The following HSD17B13 variants were observed in gnomAD, a reference collection of about 807,000 sequenced individuals.
The protein encoded by HSD17B13 is hydroxysteroid 17-beta dehydrogenase 13.
A neutral mutation model predicts 31.1 loss-of-function variants in HSD17B13; 26 were observed. The observed-to-expected ratio is 0.84, with a 90% CI of 0.61 to 1.16. HSD17B13 has a LOEUF of 1.16. Among genes scored for constraint, HSD17B13 ranks in the 50% most tolerant of loss-of-function variants. HSD17B13 has a pLI of 0.00. For synonymous variants in HSD17B13, 141 were observed against 133.7 expected, an observed-to-expected ratio of 1.05 and a Z score of -0.38; for missense variants, 374 against 366.5, an observed-to-expected ratio of 1.02 and a Z score of -0.17.
Position 87,318,455 on chromosome 4 carries a change from A to C in HSD17B13, c.211-19T>G, listed in dbSNP as rs369699418. 3.6e-4 allele frequency: 582 copies of C among 1,607,082 alleles called. 1 individual carries two copies. Among genetic ancestry groups the C allele is most frequent in the Non-Finnish European group, 4.8e-4 (560 of 1,173,784 alleles). ...CACCGCGCTGTAATTAGGAAGAAAC[A>C]AATTCCGAAAAAAGTGGAGGAGAAG... On this transcript the variant is annotated intron_variant, in intron 1 of 6. Transcript: ENST00000328546.
At chr4:87,317,859 AG>A (rs980713435) in intron 2 of HSD17B13, among the ~76,000 whole-genome samples, 38 of 152,078 alleles carry the variant, frequency 2.5e-4, no homozygotes, top group African/African-American at 8.9e-4. Context: ...AAAGTTTGTT[AG>A]AGTGCTTAGT....
chr4:87,314,040 T>G, intron 4 of HSD17B13, 80 bp from the exon 5 acceptor site: 2 of 1,229,100 alleles, frequency 1.6e-6, no homozygotes, highest in Non-Finnish European at 2.2e-6. Context: ...GCGGTATCAT[T>G]TGGCTTAAGA....
chr4:87,317,214 C>T lies in HSD17B13; in HGVS notation c.328G>A (p.Glu110Lys). The change falls in exon 3 of 7, where the codon GAA (glutamate) becomes AAA (lysine). Residue 110 changes from glutamate to lysine, a missense_variant. Coordinates refer to ENST00000328546, the MANE Select transcript of HSD17B13 (RefSeq NM_178135.5). ...ACCACGATTGTTACATCACCCACTT[C>T]TTTCTTCACCTTTTGAAATTGAAAG... ...IYRSLNQVKK[E>K]VGDVTIVVNN... 1 of 1,614,028 alleles carries T rather than the reference C, an allele frequency of 6.2e-7. No individual in the cohort carries two copies. The highest frequency in any genetic ancestry group is 1.1e-5 in the South Asian group (1 of 91,068).
rs772966438 is a variant in HSD17B13, at chr4:87,322,753, C to T, written c.89G>A (p.Arg30Lys). 3 of 1,613,864 alleles carry T rather than the reference C, an allele frequency of 1.9e-6. No individual in the cohort carries two copies. The African/African-American group carries it at 4.0e-5, about 22-fold the overall frequency. ...ESLVKFFIPQ[R>K]RKSVAGEIVL... The stretch of plus-strand genomic sequence containing the variant: ...AATCTCCCCAGCCACAGATTTTCTC[C>T]TCTGAGGAATGAAAAACTTCACCAA... Residue 30 changes from arginine to lysine, a missense_variant, in exon 1 of 7, where the codon AGG becomes AAG. Arg to Lys is a conservative substitution (Grantham distance 26). Transcript: ENST00000328546.
At chr4:87,318,877 C>G (rs531470256) in intron 1 of HSD17B13, among the ~76,000 whole-genome samples, 2 of 149,506 alleles carry the variant, frequency 1.3e-5, no homozygotes, top group African/African-American at 4.9e-5. Flanking sequence ...GATTAGTTAA[C>G]CTTTTAAAAA....
chr4:87,318,333 T>G lies in HSD17B13; in HGVS notation c.314A>C (p.Asn105Thr), dbSNP rs780706382. The G allele has an allele frequency of 6.2e-7, 1 of 1,610,978 alleles. No individual in the cohort carries two copies. The highest frequency in any genetic ancestry group is 1.1e-5 in the South Asian group (1 of 91,016). Reference sequence around the variant, plus strand: ...TTTGTGAACCTGCAGTCTCACCTGATTTAGAGAGCGATAGATCTCTTCTCT... The same window carrying G: ...TTTGTGAACCTGCAGTCTCACCTGAGTTAGAGAGCGATAGATCTCTTCTCT... ...SNREEIYRSL[N>T]QVKKEVGDVT... The change falls in exon 2 of 7, where the codon AAT becomes ACT. Residue 105 changes from asparagine to threonine, a missense_variant. Asn to Thr is a moderately conservative substitution (Grantham distance 65, BLOSUM62 0). Coordinates refer to ENST00000328546, the MANE Select transcript of HSD17B13 (RefSeq NM_178135.5).
At chr4:87,316,702 A>C (rs1734656404) in intron 3 of HSD17B13, among the ~76,000 whole-genome samples, 1 of 152,188 alleles carries the variant, frequency 6.6e-6, no homozygotes, top group Non-Finnish European at 1.5e-5. Flanking sequence ...TCCATTCTAA[A>C]ATTCCACAAA....
intron 5 of HSD17B13, among the ~76,000 whole-genome samples, chr4:87,311,515 T>C (rs1043981866): frequency 1.3e-5 from 2 of 152,170 alleles, no homozygotes; most frequent in Non-Finnish European, 2.9e-5. Flanking sequence ...CCAAGGAGTA[T>C]GACAACTGGA....
Position 87,318,386 on chromosome 4 carries a change from C to T in HSD17B13, c.261G>A (p.Ala87=), listed in dbSNP as rs985389002. 5.0e-6 allele frequency: 8 copies of T among 1,614,170 alleles called. No individual in the cohort carries two copies. In the East Asian group the frequency reaches 1.3e-4, roughly 27 times the overall value. The change falls in exon 2 of 7, where the codon GCG becomes GCA. Residue 87 remains alanine, a synonymous_variant. Coordinates refer to ENST00000328546, the MANE Select transcript of HSD17B13 (RefSeq NM_178135.5). ...AAECRKLGVT[A]HAYVVDCSNR... is the part of the protein sequence containing the mutation. ...TGCTGCAGTCTACCACATACGCATGCGCAGTGACGCCTAGTTTTCGGCACT... is the reference window on the plus strand; with the variant it reads ...TGCTGCAGTCTACCACATACGCATGTGCAGTGACGCCTAGTTTTCGGCACT...
At chr4:87,315,633 G>A (rs757160264) in intron 3 of HSD17B13, 34 bp from the exon 4 acceptor site, 2 of 1,355,050 alleles carry the variant, frequency 1.5e-6, no homozygotes, top group East Asian at 2.3e-5. Context: ...GAAAGACAAT[G>A]ACATAGACGT....
intron 5 of HSD17B13, among the ~76,000 whole-genome samples, chr4:87,312,518 C>CTTTTTTTT (rs747820120): frequency 7.0e-5 from 5 of 71,634 alleles, no homozygotes; most frequent in Admixed American, 4.0e-4. Context: ...ACCTTTAATT[C>CTTTTTTTT]TTTTTTTTTT....
In HSD17B13 at chr4:87,304,689, G is replaced by A. The variant is rs1049554718; in HGVS notation, c.*529C>T. 6.6e-6 allele frequency: 1 copy of A among 152,164 alleles called. No individual in the cohort carries two copies. Among genetic ancestry groups the A allele is most frequent in the African/African-American group, 2.4e-5 (1 of 41,422 alleles). The allele number at this position is 152,164 out of a possible 1,614,324, so 9.4% of individuals were successfully genotyped here. A position where few individuals can be genotyped will look rare whatever the true frequency, so the allele number is the denominator to read the frequency against. On this transcript the variant is annotated 3_prime_UTR_variant, in exon 7 of 7. Coordinates refer to ENST00000328546, the MANE Select transcript of HSD17B13 (RefSeq NM_178135.5). ...TCCAGAATAGAGTTGCACCGTTTTG[G>A]GCTAATGAAAAAGGAAGAGGCTAGG...
intron 5 of HSD17B13, among the ~76,000 whole-genome samples, chr4:87,312,294 C>A (rs1255373527): frequency 6.6e-6 from 1 of 152,044 alleles, no homozygotes; most frequent in East Asian, 1.9e-4. Context: ...TGTAAGAAGC[C>A]ACGTTTACTC....
At position 87,313,834 on chromosome 4, in the gene HSD17B13, AT is replaced by A. The variant is rs1248030180; in HGVS notation, c.683del (p.Asn228IlefsTer16). The part of the protein sequence containing the change: ...PVFVNTGFTK[N>X]PSTRLWPVLE... Reference sequence around the variant, plus strand: ...GATTTTGACCTTACCTTGTGCTTGGATTTTTGGTGAACCCAGTATTCACAAA... The same window carrying A: ...GATTTTGACCTTACCTTGTGCTTGGATTTTGGTGAACCCAGTATTCACAAA... On this transcript the variant is annotated frameshift_variant, in exon 5 of 7. Transcript: ENST00000328546. LOFTEE classifies it high-confidence loss of function. 1.1e-5 allele frequency: 18 copies of A among 1,611,468 alleles called. No homozygotes were observed. The highest frequency in any genetic ancestry group is 1.5e-5 in the Non-Finnish European group (18 of 1,178,930).
intron 6 of HSD17B13, among the ~76,000 whole-genome samples, chr4:87,309,098 T>C (rs1336811243): frequency 1.3e-5 from 2 of 152,004 alleles, no homozygotes; most frequent in Non-Finnish European, 2.9e-5. Context: ...AACCGTCAAA[T>C]AGGGCTGGGC....
chr4:87,311,797 T>C (rs982118601), intron 5 of HSD17B13, among the ~76,000 whole-genome samples: 2 of 152,194 alleles, frequency 1.3e-5, no homozygotes, highest in Admixed American at 1.3e-4. Flanking sequence ...TATTATGTGA[T>C]TGAGTTCTCC....
Position 87,322,784 on chromosome 4 carries a change from C to A in HSD17B13, c.58G>T (p.Glu20Ter). ...LLITIIYSYL[E>*]SLVKFFIPQR... ...GGAATGAAAAACTTCACCAACGACT[C>A]CAAGTAGGAGTAGATGATGGTGATC... The change falls in exon 1 of 7, where the codon GAG becomes TAG. Residue 20 changes from glutamate to a stop codon, truncating the protein, a stop_gained. Coordinates refer to ENST00000328546, the MANE Select transcript of HSD17B13 (RefSeq NM_178135.5). LOFTEE classifies it high-confidence loss of function. The A allele has an allele frequency of 1.2e-6, 2 of 1,614,128 alleles. No individual in the cohort carries two copies. Among genetic ancestry groups the A allele is most frequent in the Non-Finnish European group, 1.7e-6 (2 of 1,180,012 alleles).
chr4:87,316,036 T>C (rs957709964), intron 3 of HSD17B13, among the ~76,000 whole-genome samples: 5 of 149,512 alleles, frequency 3.3e-5, no homozygotes, highest in Admixed American at 2.0e-4. Context: ...AAGCTGAGAG[T>C]TCTACACCAC....
At chr4:87,311,877 C>G (rs1387291690) in intron 5 of HSD17B13, among the ~76,000 whole-genome samples, 1 of 152,200 alleles carries the variant, frequency 6.6e-6, no homozygotes, top group Admixed American at 6.5e-5. Context: ...CCGTTCTGCC[C>G]TTTCTCTCCC....
Sources: allele counts gnomAD v4.1 joint callset (sites outside exome capture counted in the v4.1 genomes callset), GRCh38; gene constraint gnomAD v4.1.1; transcripts MANE v1.5; gene names NCBI Gene and HGNC (gene_info 2026-07-23, HGNC 2026-07-21).